The following PGM2L1 variants were observed in gnomAD, a reference collection of about 807,000 sequenced individuals.
PGM2L1 encodes the protein glucose 1,6-bisphosphate synthase.
A neutral mutation model predicts 73.4 loss-of-function variants in PGM2L1; 35 were observed. That is an observed-to-expected ratio of 0.48 (90% CI 0.36 to 0.63). PGM2L1 has a LOEUF of 0.63. PGM2L1 is among the 30% of genes least tolerant of loss of function. PGM2L1 has a pLI of 0.00. For missense variants in PGM2L1, 570 were observed against 742.0 expected (o/e 0.77, Z 2.69); for synonymous variants, 225 against 253.8 (o/e 0.89, Z 1.08).
chr11:74,360,282 A>AAGGAAGGG (rs1555099628), intron 5 of PGM2L1, among the ~76,000 whole-genome samples: 2 of 147,026 alleles, frequency 1.4e-5, no homozygotes, highest in South Asian at 2.3e-4. Flanking sequence ...AGAAGGAAGG[A>AAGGAAGGG]AGGGAGGGAG....
Position 74,338,566 on chromosome 11 carries a change from T to G in PGM2L1, c.1668A>C (p.Thr556=), listed in dbSNP as rs372405187. 2 of 1,606,522 alleles carry G rather than the reference T, an allele frequency of 1.2e-6. No individual in the cohort carries two copies. The highest frequency in any genetic ancestry group is 1.7e-6 in the Non-Finnish European group (2 of 1,174,216). The change falls in exon 13 of 14, where the codon ACA becomes ACC. Residue 556 remains threonine (T), a synonymous_variant. Transcript: ENST00000298198. ...LPVSKNSQMI[T]FTFQNGCVAT... is the part of the protein sequence containing the mutation. ...CAACACAGCCATTTTGAAAAGTAAA[T>G]GTAATCATTTGGCTGTTTTTACTCA...
At chr11:74,341,574 C>T (rs1862182513) in intron 12 of PGM2L1, among the ~76,000 whole-genome samples, 2 of 151,662 alleles carry the variant, frequency 1.3e-5, no homozygotes, top group Admixed American at 6.6e-5. Flanking sequence ...CTTCTGTAGC[C>T]CCAGCTACTC....
chr11:74,343,714 G>A (rs535908319), intron 9 of PGM2L1, among the ~76,000 whole-genome samples: 1 of 146,094 alleles, frequency 6.8e-6, no homozygotes, highest in African/African-American at 2.5e-5. Context: ...AGCACATACA[G>A]TATAATCAGT....
chr11:74,347,015 T>C, intron 7 of PGM2L1, 133 bp downstream of exon 7: 1 of 974,244 alleles, frequency 1.0e-6, no homozygotes. Flanking sequence ...CAGCCTATTA[T>C]TACTCCAATA....
chr11:74,343,934 G>A (rs58950228), intron 9 of PGM2L1, among the ~76,000 whole-genome samples: 95,948 of 151,510 alleles, frequency 0.63, 31,075 homozygotes, highest in East Asian at 0.81. Flanking sequence ...GTGCCACCAC[G>A]CCCAGCTAAT....
chr11:74,377,959 AGAG>A (rs543071044), intron 1 of PGM2L1, among the ~76,000 whole-genome samples: 272 of 151,766 alleles, frequency 1.8e-3, no homozygotes, highest in Admixed American at 3.7e-3. Flanking sequence ...AAAAAAAAAA[AGAG>A]GAGGAAGACA....
rs557442630 is a variant in PGM2L1 at position 74,370,888 on chromosome 11, C to T, written c.471+14G>A. The stretch of plus-strand genomic sequence containing the variant: ...GAGCAGCAAGCTATATGATCACCAA[C>T]ACAACACACTTACTACAAAAGGTGT... On this transcript the variant is annotated intron_variant, in intron 4 of 13. Transcript: ENST00000298198. 44 of 1,588,602 alleles carry T rather than the reference C, an allele frequency of 2.8e-5. 2 individuals carry two copies. The South Asian group carries it at 4.8e-4, about 17-fold the overall frequency.
chr11:74,362,066 C>T (rs528812531), intron 5 of PGM2L1, among the ~76,000 whole-genome samples: 1 of 152,246 alleles, frequency 6.6e-6, no homozygotes, highest in Non-Finnish European at 1.5e-5. Context: ...AGATACTCCT[C>T]AAGAAGAGCA....
intron 1 of PGM2L1, among the ~76,000 whole-genome samples, chr11:74,377,441 T>A (rs1035179542): frequency 3.3e-5 from 5 of 152,256 alleles, no homozygotes; most frequent in African/African-American, 1.2e-4. Flanking sequence ...CAACTAATTA[T>A]TTTTAAATGA....
chr11:74,397,948 C>T, intron 1 of PGM2L1, 103 bp downstream of exon 1: 1 of 1,393,186 alleles, frequency 7.2e-7, no homozygotes. Flanking sequence ...GCTCGGTGTC[C>T]CGAGCCATCT....
At position 74,351,579 on chromosome 11, in the gene PGM2L1, A is replaced by C; in HGVS notation, c.556-3T>G. On this transcript the variant is annotated splice_polypyrimidine_tract_variant and splice_region_variant and intron_variant, in intron 5 of 13. Coordinates refer to ENST00000298198, the MANE Select transcript of PGM2L1 (RefSeq NM_173582.6). ...TGAGCACCAGTTTCCCAGTAAACCT[A>C]GATGATAAGTAAATATAACCATAAT... The C allele has an allele frequency of 6.3e-7, 1 of 1,589,566 alleles. No homozygotes were observed.
chr11:74,343,267 A>T, intron 10 of PGM2L1, 56 bp downstream of exon 10: 1 of 1,522,704 alleles, frequency 6.6e-7, no homozygotes, highest in Middle Eastern at 1.9e-4. Flanking sequence ...CTCCTACAGA[A>T]TTACATTTTA....
chr11:74,397,768 G>GTTTTTT (rs1863200383), intron 1 of PGM2L1: 1 of 106,256 alleles, frequency 9.4e-6, no homozygotes, highest in Non-Finnish European at 2.0e-5. Flanking sequence ...TTTTTTTGAA[G>GTTTTTT]AAAGAGGGAA....
At chr11:74,366,126 A>G (rs1020986678) in intron 5 of PGM2L1, among the ~76,000 whole-genome samples, 1 of 149,384 alleles carries the variant, frequency 6.7e-6, no homozygotes, top group African/African-American at 2.5e-5. Context: ...GGAACCAAAC[A>G]CCACATGTTC....
chr11:74,373,518 CA>C (rs925571785), intron 2 of PGM2L1, among the ~76,000 whole-genome samples: 7 of 152,116 alleles, frequency 4.6e-5, no homozygotes, highest in African/African-American at 1.7e-4. Context: ...TTATTGGCCT[CA>C]AAAGTATAGT....
chr11:74,338,859 C>T (rs777887454), intron 12 of PGM2L1, among the ~76,000 whole-genome samples: 7 of 151,904 alleles, frequency 4.6e-5, no homozygotes, highest in Non-Finnish European at 1.0e-4. Flanking sequence ...TTAACACTAC[C>T]GAACTATACA....
chr11:74,371,715 G>A lies in PGM2L1; in HGVS notation c.382C>T (p.Gln128Ter). The change falls in exon 3 of 14, where the codon CAG (glutamine) becomes TAG (stop). Residue 128 changes from glutamine to a stop codon, truncating the protein, a stop_gained. Transcript: ENST00000298198. LOFTEE classifies it high-confidence loss of function. ...TTGAAACAATTAACTTTGTACCTCT[G>A]GCTGCTGCAGCTGCTAGTTACTTGA... ...RGQVTSSCSSQRLAKLTAAVL... is the reference protein window; with the variant it reads ...RGQVTSSCSS 1 of 1,611,266 alleles carries A rather than the reference G, an allele frequency of 6.2e-7. No homozygotes were observed. The highest frequency in any genetic ancestry group is 1.1e-5 in the South Asian group (1 of 91,014).
chr11:74,392,126 C>T (rs1863111659), intron 1 of PGM2L1, among the ~76,000 whole-genome samples: 1 of 152,074 alleles, frequency 6.6e-6, no homozygotes, highest in Non-Finnish European at 1.5e-5. Flanking sequence ...TAGTATATTA[C>T]TTAGTCTTTT....
intron 1 of PGM2L1, among the ~76,000 whole-genome samples, chr11:74,387,535 T>G (rs1477309850): frequency 1.3e-5 from 2 of 152,212 alleles, no homozygotes; most frequent in Non-Finnish European, 2.9e-5. Flanking sequence ...AAGAAATCTG[T>G]TCATGGTTTC....
Sources: allele counts gnomAD v4.1 joint callset (sites outside exome capture counted in the v4.1 genomes callset), GRCh38; gene constraint gnomAD v4.1.1; transcripts MANE v1.5; gene names NCBI Gene and HGNC (gene_info 2026-07-23, HGNC 2026-07-21).